Variants in SLC61A1 observed in about 807,000 individuals in gnomAD.
SLC61A1 encodes solute carrier family 61 member 1, also known as major facilitator superfamily domain containing 5.
the SLC61A1 span, chr12:53,254,344 G>A: frequency 1.1e-6 from 1 of 909,572 alleles, no homozygotes; most frequent in Non-Finnish European, 1.6e-6. Flanking sequence ...GGACTGGAAA[G>A]AAGGTGCCAA....
chr12:53,253,726 C>T, the SLC61A1 span: 42 of 1,614,050 alleles, frequency 2.6e-5, no homozygotes, highest in Admixed American at 7.0e-4. Context: ...TTGGCTCTTC[C>T]CTGTACCGTA....
chr12:53,251,832 C>G, the SLC61A1 span: 3 of 1,537,292 alleles, frequency 2.0e-6, no homozygotes, highest in South Asian at 2.4e-5. Context: ...TTGGCTCTAC[C>G]GGACTGCGGG....
At chr12:53,252,180 C>CGAGCCG in the SLC61A1 span, 23 of 1,420,864 alleles carry the variant, frequency 1.6e-5, no homozygotes, top group Middle Eastern at 2.6e-4. Flanking sequence ...TGCTGGAACC[C>CGAGCCG]GAGCCGGAGC....
At chr12:53,252,792 G>A in the SLC61A1 span, 1 of 1,607,366 alleles carries the variant, frequency 6.2e-7, no homozygotes. Context: ...GATGGATATG[G>A]CTCTGACTCC....
At chr12:53,253,523 C>T in the SLC61A1 span, 29 of 1,614,152 alleles carry the variant, frequency 1.8e-5, no homozygotes, top group African/African-American at 2.7e-4. Flanking sequence ...TGACCGGCAG[C>T]GTGCCTTCTC....
chr12:53,251,519 G>A, the SLC61A1 span: 2 of 564,414 alleles, frequency 3.5e-6, no homozygotes, highest in Admixed American at 3.4e-5. Flanking sequence ...TTAACCCCAT[G>A]CTGCCACTGA....
the SLC61A1 span, chr12:53,252,603 C>T: frequency 7.9e-7 from 1 of 1,264,322 alleles, no homozygotes; most frequent in Non-Finnish European, 1.1e-6. Context: ...CCAGTCCTCT[C>T]CCCTGTCTTC....
chr12:53,251,712 G>A, the SLC61A1 span: 1 of 1,526,694 alleles, frequency 6.6e-7, no homozygotes. Context: ...CAGGTGTCTG[G>A]ACCATACTGG....
chr12:53,252,056 G>A, the SLC61A1 span: 1 of 1,462,962 alleles, frequency 6.8e-7, no homozygotes, highest in Non-Finnish European at 9.0e-7. Flanking sequence ...GAGGGCGGGC[G>A]GGCGGGGCGG....
chr12:53,254,015 C>T, the SLC61A1 span: 3 of 1,614,202 alleles, frequency 1.9e-6, no homozygotes, highest in Non-Finnish European at 2.5e-6. Context: ...CCTAGGGCTC[C>T]TTGTCCTCCA....
At chr12:53,253,824 C>T in the SLC61A1 span, 2 of 1,614,240 alleles carry the variant, frequency 1.2e-6, no homozygotes, top group Non-Finnish European at 1.7e-6. Flanking sequence ...TTCATGTTGA[C>T]TTTCTCTACC....
chr12:53,251,794 G>T, the SLC61A1 span: 16 of 1,537,290 alleles, frequency 1.0e-5, no homozygotes, highest in South Asian at 1.9e-4. Flanking sequence ...TTCGGGCAGC[G>T]GTGCTGTTCC....
the SLC61A1 span, chr12:53,254,249 C>T: frequency 1.9e-6 from 3 of 1,554,950 alleles, 1 homozygote; most frequent in Admixed American, 3.7e-5. Flanking sequence ...CGGGATTGTA[C>T]AGATCTCTCT....
chr12:53,252,383 G>A, the SLC61A1 span: 3 of 1,314,492 alleles, frequency 2.3e-6, no homozygotes, highest in Admixed American at 1.2e-4. Context: ...GCACACGCAT[G>A]ACCCTGAAGC....
chr12:53,252,205 G>A, the SLC61A1 span: 2 of 1,416,846 alleles, frequency 1.4e-6, no homozygotes, highest in Non-Finnish European at 1.8e-6. Context: ...GCCACAGCGG[G>A]GAGGGTGGCC....
the SLC61A1 span, chr12:53,252,777 C>G: frequency 6.3e-7 from 1 of 1,593,634 alleles, no homozygotes; most frequent in African/African-American, 1.3e-5. Flanking sequence ...CCGTGCTGCC[C>G]GAAGGATGGA....
the SLC61A1 span, chr12:53,252,044 A>AG: frequency 1.5e-5 from 6 of 411,746 alleles, no homozygotes; most frequent in South Asian, 1.1e-4. Context: ...GGGTAAGGGA[A>AG]GGAGGGCGGG....
the SLC61A1 span, chr12:53,253,409 G>A: frequency 3.7e-6 from 6 of 1,614,138 alleles, no homozygotes; most frequent in Non-Finnish European, 5.1e-6. Context: ...AGCTGAGGCT[G>A]TAGCCAGCTG....
At chr12:53,253,332 G>A in the SLC61A1 span, 3 of 1,614,266 alleles carry the variant, frequency 1.9e-6, no homozygotes, top group Admixed American at 1.7e-5. Flanking sequence ...CCTGCTGAGT[G>A]GATCCCAGCT....
Sources: allele counts gnomAD v4.1 joint callset, GRCh38; gene constraint gnomAD v4.1.1; transcripts MANE v1.5; gene names NCBI Gene and HGNC (gene_info 2026-07-23, HGNC 2026-07-21).